KLHL29: variants seen among roughly 807,000 people sequenced by gnomAD.
The protein encoded by KLHL29 is kelch like family member 29.
In KLHL29, 21 loss-of-function variants were observed where a neutral mutation model predicts 80.4. The ratio of observed to expected loss-of-function variants is 0.26; its 90% CI spans 0.19 to 0.38. The LOEUF is 0.38. KLHL29 is among the 10% of genes least tolerant of loss of function. KLHL29 has a pLI of 1.00. For missense variants in KLHL29, 867 were observed against 1,223.9 expected, an observed-to-expected ratio of 0.71 and a Z score of 4.35; for synonymous variants, 511 against 526.8, an observed-to-expected ratio of 0.97 and a Z score of 0.41.
intron 1 of KLHL29, among the ~76,000 whole-genome samples, chr2:23,472,481 A>C (rs1300795118): frequency 6.6e-6 from 1 of 152,142 alleles, no homozygotes; most frequent in Non-Finnish European, 1.5e-5. Flanking sequence ...TAAAAATACA[A>C]AAATTAGCCG....
At position 23,682,409 on chromosome 2, in the gene KLHL29, G is replaced by T. The variant is rs1274999210; in HGVS notation, c.941-1990G>T. ...GTTCACCCTCAGGTCTGGCTTCGAGGCTCAACTCTCTGCACGGCGCTATCT... is the reference window on the plus strand; with the variant it reads ...GTTCACCCTCAGGTCTGGCTTCGAGTCTCAACTCTCTGCACGGCGCTATCT... On this transcript the variant is annotated intron_variant, in intron 5 of 13. Transcript: ENST00000486442. This position sits in a 1 kb window ranked among gnomAD's most constrained non-coding sequence, Gnocchi z 4.1. Among the ~76,000 whole-genome samples the T allele has an allele frequency of 2.6e-5, 4 of 152,256 alleles. No homozygotes were observed. In the East Asian group the frequency reaches 7.7e-4, roughly 29 times the overall value.
intron 1 of KLHL29, among the ~76,000 whole-genome samples, chr2:23,435,540 A>T (rs903013573): frequency 6.6e-6 from 1 of 152,166 alleles, no homozygotes; most frequent in Non-Finnish European, 1.5e-5. Context: ...TGACATGATG[A>T]AGGGGAAGTC....
At chr2:23,513,729 G>A (rs1408879858) in intron 2 of KLHL29, among the ~76,000 whole-genome samples, 3 of 152,124 alleles carry the variant, frequency 2.0e-5, no homozygotes, top group Admixed American at 2.0e-4. Flanking sequence ...GAAGTGCTGG[G>A]CATTAGGATC....
Position 23,699,335 on chromosome 2 carries a change from C to T in KLHL29, c.2105+2822C>T, listed in dbSNP as rs527729895. Among the ~76,000 whole-genome samples the T allele has an allele frequency of 9.1e-4, 139 of 152,308 alleles. 1 individual carries two copies. Among genetic ancestry groups the T allele is most frequent in the African/African-American group, 3.0e-3 (124 of 41,566 alleles). ...GGCACAGCATGCCATGCCCAGGCCT[C>T]GCATTGCGTCCAGGCACTCACCGAA... On this transcript the variant is annotated intron_variant, in intron 11 of 13. Transcript: ENST00000486442.
At position 23,696,807 on chromosome 2, in the gene KLHL29, T is replaced by G; in HGVS notation, c.2105+294T>G. The G allele has an allele frequency of 3.1e-6, 1 of 325,404 alleles. No individual in the cohort carries two copies. Among genetic ancestry groups the G allele is most frequent in the Non-Finnish European group, 5.6e-6 (1 of 177,938 alleles). 20.2% of individuals were successfully genotyped at this position (325,404 alleles called of 1,614,324 possible). ...GACAAGCTGGAGGCCCAAGATCCAG[T>G]TGCAGAAGGCCTGGGATGAGCCAGA... On this transcript the variant is annotated intron_variant, in intron 11 of 13. Coordinates refer to ENST00000486442, the MANE Select transcript of KLHL29 (RefSeq NM_052920.2). This position sits in a 1 kb window ranked among gnomAD's most constrained non-coding sequence, Gnocchi z 5.5.
chr2:23,549,929 A>G (rs1419235382), intron 2 of KLHL29, among the ~76,000 whole-genome samples: 1 of 152,148 alleles, frequency 6.6e-6, no homozygotes, highest in African/African-American at 2.4e-5. Context: ...TGTCCTAGCT[A>G]AGACGCAGTC....
In KLHL29 at chr2:23,516,265, T is replaced by C. The variant is rs77871850; in HGVS notation, c.-46+40598T>C. 5.2e-3 allele frequency among the ~76,000 whole-genome samples: 788 copies of C among 152,262 alleles called. 3 individuals are homozygous for C. The highest frequency in any genetic ancestry group is 8.1e-3 in the Non-Finnish European group (549 of 68,006). ...CATGGGCACCTGCTGGGCCCGGGAC[T>C]GGGAAGGGCTGACCAGGAGCAACTA... On this transcript the variant is annotated intron_variant, in intron 2 of 13. Coordinates refer to ENST00000486442, the MANE Select transcript of KLHL29 (RefSeq NM_052920.2).
chr2:23,646,893 T>C (rs560038002), intron 5 of KLHL29, among the ~76,000 whole-genome samples: 1 of 152,302 alleles, frequency 6.6e-6, no homozygotes, highest in East Asian at 1.9e-4. Context: ...TCACAGGGCC[T>C]CAGGGAGGAT....
intron 3 of KLHL29, among the ~76,000 whole-genome samples, chr2:23,567,235 A>C (rs1230065829): frequency 6.6e-6 from 1 of 152,222 alleles, no homozygotes; most frequent in Non-Finnish European, 1.5e-5. Flanking sequence ...GCTTCATAAA[A>C]TGCAATTTTG....
intron 11 of KLHL29, among the ~76,000 whole-genome samples, chr2:23,702,773 G>A (rs552296569): frequency 2.6e-5 from 4 of 152,316 alleles, no homozygotes; most frequent in East Asian, 1.9e-4. Context: ...TAAGCACCTC[G>A]AGGGCAGGAA....
At chr2:23,550,264 G>T (rs2103488967) in intron 2 of KLHL29, among the ~76,000 whole-genome samples, 1 of 152,264 alleles carries the variant, frequency 6.6e-6, no homozygotes, top group South Asian at 2.1e-4. Context: ...GGAATTGCTT[G>T]AGAGGGAAAG....
In KLHL29 at chr2:23,396,257, G is replaced by C. The variant is rs933197867; in HGVS notation, c.-154+10477G>C. ...AGGGCTGCATCCCCTGCGTTTAGGT[G>C]CCTCCCCAGTCGGTCTCCCTGATGC... On this transcript the variant is annotated intron_variant, in intron 1 of 13. Transcript: ENST00000486442. Among the ~76,000 whole-genome samples the C allele has an allele frequency of 2.0e-5, 3 of 152,174 alleles. No individual in the cohort carries two copies. The South Asian group carries it at 6.2e-4, about 32-fold the overall frequency.
At chr2:23,563,926 T>C (rs2103498217) in intron 3 of KLHL29, among the ~76,000 whole-genome samples, 1 of 152,268 alleles carries the variant, frequency 6.6e-6, no homozygotes, top group South Asian at 2.1e-4. Context: ...CCAAACACAT[T>C]CCTCCCCTGG....
At position 23,409,012 on chromosome 2, in the gene KLHL29, A is replaced by T. The variant is rs941404923; in HGVS notation, c.-154+23232A>T. On this transcript the variant is annotated intron_variant, in intron 1 of 13. Transcript: ENST00000486442. ...TTGGGGGGTGTGTGAGGGGCTAATC[A>T]TAAAGAATAATTTGGGAGCTAGTTC... Among the ~76,000 whole-genome samples the T allele has an allele frequency of 7.2e-5, 11 of 152,276 alleles. No homozygotes were observed. In the East Asian group the frequency reaches 1.9e-3, roughly 27 times the overall value.
chr2:23,437,498 C>T (rs1572512299), intron 1 of KLHL29, among the ~76,000 whole-genome samples: 1 of 152,198 alleles, frequency 6.6e-6, no homozygotes, highest in Non-Finnish European at 1.5e-5. Flanking sequence ...ACAGGTTCTG[C>T]TATCTAATTA....
intron 2 of KLHL29, among the ~76,000 whole-genome samples, chr2:23,558,639 A>T (rs924958892): frequency 3.3e-5 from 5 of 152,146 alleles, no homozygotes; most frequent in African/African-American, 1.2e-4. Context: ...CCTGGCCTCA[A>T]GTGATCCTCC....
At chr2:23,418,354 A>G (rs1473546314) in intron 1 of KLHL29, among the ~76,000 whole-genome samples, 1 of 152,002 alleles carries the variant, frequency 6.6e-6, no homozygotes, top group Non-Finnish European at 1.5e-5. Context: ...AAGGCTGGCA[A>G]TCCCTAGCTG....
intron 1 of KLHL29, among the ~76,000 whole-genome samples, chr2:23,431,498 G>A (rs1457314871): frequency 6.6e-6 from 1 of 152,260 alleles, no homozygotes; most frequent in African/African-American, 2.4e-5. Context: ...CTCCTCGCCA[G>A]CCCTGCTCCT....
chr2:23,440,751 G>C (rs1663491591), intron 1 of KLHL29, among the ~76,000 whole-genome samples: 1 of 152,128 alleles, frequency 6.6e-6, no homozygotes, highest in South Asian at 2.1e-4. Context: ...CTGGCCATCA[G>C]AGAAATGCAA....
Sources: allele counts gnomAD v4.1 joint callset (sites outside exome capture counted in the v4.1 genomes callset), GRCh38; gene constraint gnomAD v4.1.1; non-coding constraint Gnocchi (gnomAD v3.1); transcripts MANE v1.5; gene names NCBI Gene and HGNC (gene_info 2026-07-23, HGNC 2026-07-21).